The following ROR1 variants were observed in gnomAD, a reference collection of about 807,000 sequenced individuals.
The protein encoded by ROR1 is ROR family WNT receptor 1, also known as inactive tyrosine-protein kinase transmembrane receptor ROR1.
Under a neutral mutation model 78.8 loss-of-function variants are expected in ROR1, and 19 were observed. The ratio of observed to expected loss-of-function variants is 0.24; its 90% CI spans 0.17 to 0.35. The LOEUF is 0.35. ROR1 is among the 10% of genes least tolerant of loss of function. The pLI is 1.00. For synonymous variants in ROR1, 386 were observed against 433.6 expected (o/e 0.89, Z 1.36); for missense variants, 917 against 1,177.8 (o/e 0.78, Z 3.24).
intron 1 of ROR1, among the ~76,000 whole-genome samples, chr1:63,789,674 CTT>C (rs902307163): frequency 0.021 from 2,189 of 102,496 alleles, 24 homozygotes; most frequent in African/African-American, 0.078. Context: ...CCTTCCTCTC[CTT>C]TTTTTTTTTT....
intron 1 of ROR1, among the ~76,000 whole-genome samples, chr1:63,794,362 T>G (rs1171572337): frequency 6.6e-6 from 1 of 152,186 alleles, no homozygotes. Flanking sequence ...CAGATGACCA[T>G]GTTCCAGGTG....
intron 1 of ROR1, among the ~76,000 whole-genome samples, chr1:63,850,457 T>A (rs979963596): frequency 7.4e-4 from 112 of 152,364 alleles, no homozygotes; most frequent in African/African-American, 2.6e-3. Flanking sequence ...CCAACGGCCT[T>A]ATGCCAGTGC....
At chr1:64,136,077 T>C (rs1012684164) in intron 4 of ROR1, among the ~76,000 whole-genome samples, 3 of 152,210 alleles carry the variant, frequency 2.0e-5, no homozygotes, top group Non-Finnish European at 4.4e-5. Context: ...TAAATAAATG[T>C]CCCTTTGGTC....
intron 4 of ROR1, among the ~76,000 whole-genome samples, chr1:64,089,550 C>G (rs1030346799): frequency 1.3e-5 from 2 of 152,212 alleles, no homozygotes; most frequent in East Asian, 3.9e-4. Flanking sequence ...TAAATAAGCT[C>G]TGTTGAGGGA....
At chr1:64,034,215 C>A (rs1307359522) in intron 2 of ROR1, among the ~76,000 whole-genome samples, 1 of 149,416 alleles carries the variant, frequency 6.7e-6, no homozygotes, top group Non-Finnish European at 1.5e-5. Flanking sequence ...CTGAGACTTA[C>A]TGTAAATCAC....
At chr1:63,789,586 T>C (rs1644712777) in intron 1 of ROR1, among the ~76,000 whole-genome samples, 1 of 148,476 alleles carries the variant, frequency 6.7e-6, no homozygotes, top group Non-Finnish European at 1.5e-5. Flanking sequence ...AGAAATAGAG[T>C]GGAGGAGAAG....
chr1:64,048,865 G>A (rs1019707486), intron 2 of ROR1, among the ~76,000 whole-genome samples: 1 of 152,078 alleles, frequency 6.6e-6, no homozygotes, highest in Non-Finnish European at 1.5e-5. Flanking sequence ...TTGCTTCAAG[G>A]TGGGGTGGGA....
chr1:64,060,604 G>A (rs554602479), intron 4 of ROR1, among the ~76,000 whole-genome samples: 7 of 152,208 alleles, frequency 4.6e-5, no homozygotes, highest in South Asian at 2.1e-4. Flanking sequence ...CTTTCAACAC[G>A]GCTACTCAAG....
chr1:64,124,538 A>T (rs1157214732), intron 4 of ROR1, among the ~76,000 whole-genome samples: 1 of 151,952 alleles, frequency 6.6e-6, no homozygotes. Flanking sequence ...TAGTTTGCTG[A>T]CCCTGGTCTG....
intron 1 of ROR1, among the ~76,000 whole-genome samples, chr1:63,812,397 A>C (rs528507264): frequency 3.3e-5 from 5 of 152,196 alleles, no homozygotes; most frequent in Non-Finnish European, 7.3e-5. Flanking sequence ...TGGGCTGCAA[A>C]GGTGAAAATA....
chr1:63,958,149 C>A (rs896554488), intron 1 of ROR1, among the ~76,000 whole-genome samples: 1 of 152,156 alleles, frequency 6.6e-6, no homozygotes, highest in Non-Finnish European at 1.5e-5. Flanking sequence ...TTTATTTACT[C>A]ATTTTCTTAC....
At position 64,163,779 on chromosome 1, in the gene ROR1, C is replaced by A. The variant is rs138101528; in HGVS notation, c.1386+4587C>A. The stretch of plus-strand genomic sequence containing the variant: ...CCAGCAACATGCTTCCATCTAAAAG[C>A]CCTGCTGGAGTCTGGCTACCCTTTT... On this transcript the variant is annotated intron_variant, in intron 8 of 8. Coordinates refer to ENST00000371079, the MANE Select transcript of ROR1 (RefSeq NM_005012.4). Among the ~76,000 whole-genome samples the A allele has an allele frequency of 1.3e-3, 202 of 152,256 alleles. 2 individuals carry two copies. The highest frequency in any genetic ancestry group is 3.3e-3 in the Admixed American group (51 of 15,290).
chr1:63,998,922 G>A (rs768137062), intron 1 of ROR1, among the ~76,000 whole-genome samples: 3 of 152,204 alleles, frequency 2.0e-5, no homozygotes, highest in South Asian at 2.1e-4. Flanking sequence ...AGTCTCACAA[G>A]AGCTGATGGT....
At chr1:63,800,538 G>A (rs1557502902) in intron 1 of ROR1, among the ~76,000 whole-genome samples, 5 of 152,148 alleles carry the variant, frequency 3.3e-5, no homozygotes, top group Admixed American at 3.3e-4. Context: ...GGCAGAAAAG[G>A]CAATGATGTT....
chr1:64,093,417 G>A (rs1379959719), intron 4 of ROR1, among the ~76,000 whole-genome samples: 1 of 152,148 alleles, frequency 6.6e-6, no homozygotes, highest in Non-Finnish European at 1.5e-5. Flanking sequence ...TATTTTTCAA[G>A]ATGCTTTTTA....
chr1:63,836,921 G>A (rs1645021586), intron 1 of ROR1, among the ~76,000 whole-genome samples: 1 of 152,166 alleles, frequency 6.6e-6, no homozygotes, highest in African/African-American at 2.4e-5. Flanking sequence ...ACCTCTTATA[G>A]CGATGAAGTG....
intron 1 of ROR1, among the ~76,000 whole-genome samples, chr1:63,990,087 C>A (rs183875941): frequency 9.7e-4 from 148 of 152,288 alleles, no homozygotes; most frequent in African/African-American, 3.4e-3. Flanking sequence ...TCCTCATGGT[C>A]CCACTAGCAC....
At chr1:63,784,874 A>G (rs1241985547) in intron 1 of ROR1, among the ~76,000 whole-genome samples, 3 of 152,186 alleles carry the variant, frequency 2.0e-5, no homozygotes, top group Non-Finnish European at 2.9e-5. Context: ...TTTTCACAGG[A>G]TGGGATGGGG....
intron 1 of ROR1, among the ~76,000 whole-genome samples, chr1:63,853,467 G>A (rs1184649598): frequency 6.6e-6 from 1 of 152,144 alleles, no homozygotes; most frequent in Non-Finnish European, 1.5e-5. Flanking sequence ...GCTCCTTGGA[G>A]CATTCAGATT....
Sources: gnomAD v4.1 joint callset for allele counts (sites outside exome capture counted in the v4.1 genomes callset) on GRCh38, gnomAD v4.1.1 for gene constraint, MANE v1.5 for transcripts, NCBI Gene and HGNC (gene_info 2026-07-23, HGNC 2026-07-21) for gene names.